Variants in ZNF140 observed in about 807,000 individuals in gnomAD.
ZNF140 encodes the protein zinc finger protein 140 (clone pHZ-39).
Under a neutral mutation model 12.9 loss-of-function variants are expected in ZNF140, and 13 were observed. The observed-to-expected ratio is 1.01, with a 90% CI of 0.66 to 1.60. ZNF140 has a LOEUF of 1.60. Ranked by LOEUF, ZNF140 falls within the 40% of genes most tolerant of loss-of-function variation. ZNF140 has a pLI of 0.00. For synonymous variants in ZNF140, 214 were observed against 186.7 expected (o/e 1.15, Z -1.19); for missense variants, 531 against 548.8 (o/e 0.97, Z 0.32).
intron 4 of ZNF140, among the ~76,000 whole-genome samples, chr12:133,089,340 A>C (rs1184021062): frequency 6.6e-6 from 1 of 151,994 alleles, no homozygotes; most frequent in African/African-American, 2.4e-5. Flanking sequence ...CAGCCTCCCA[A>C]GTAGCTGGGA....
Position 133,106,253 on chromosome 12 carries a change from A to G in ZNF140, c.976A>G (p.Lys326Glu), listed in dbSNP as rs562229137. 6.2e-7 allele frequency: 1 copy of G among 1,614,182 alleles called. No homozygotes were observed. The highest frequency in any genetic ancestry group is 1.7e-5 in the Admixed American group (1 of 60,022). ...TCGACATCAGAGCATCCATACAACC[A>G]AAACCCCGTATGAATGTAATGAATG... ...LTRHQSIHTT[K>E]TPYECNECRK... The change falls in exon 5 of 5, where the codon AAA (lysine) becomes GAA (glutamate). Residue 326 changes from lysine (K) to glutamate (E), a missense_variant. Transcript: ENST00000355557.
intron 4 of ZNF140, among the ~76,000 whole-genome samples, chr12:133,084,532 C>G (rs1398392552): frequency 2.6e-5 from 4 of 152,136 alleles, no homozygotes; most frequent in African/African-American, 9.7e-5. Flanking sequence ...AAGGAATTTC[C>G]AGTTGTCGTT....
In ZNF140 at chr12:133,105,746, G is replaced by A; in HGVS notation, c.469G>A (p.Val157Met). The A allele has an allele frequency of 1.9e-6, 3 of 1,614,190 alleles. No homozygotes were observed. Among genetic ancestry groups the A allele is most frequent in the Non-Finnish European group, 2.5e-6 (3 of 1,180,036 alleles). ...GGCTCAACATATGAATATCAGTACT[G>A]TGGAGAGGCCCTATGGATGCCATGA... ...ALAQHMNISTVERPYGCHECG... is the reference protein window; with the variant it reads ...ALAQHMNISTMERPYGCHECG... The change falls in exon 5 of 5, where the codon GTG (valine) becomes ATG (methionine). Residue 157 changes from valine (V) to methionine (M), a missense_variant. Physicochemically the swap from Val to Met is conservative, Grantham distance 21. Transcript: ENST00000355557.
In ZNF140 at chr12:133,106,948, G is replaced by A. The variant is rs1028983380; in HGVS notation, c.*297G>A. ...ATTTGGTAGGAGTCCCTTACTTTAC[G>A]TGTGTAAATTCCTACCAGGAAAGAA... On this transcript the variant is annotated 3_prime_UTR_variant, in exon 5 of 5. Coordinates refer to ENST00000355557, the MANE Select transcript of ZNF140 (RefSeq NM_003440.4). 3.2e-5 allele frequency: 7 copies of A among 220,872 alleles called. No homozygotes were observed. Among genetic ancestry groups the A allele is most frequent in the Admixed American group, 1.6e-4 (3 of 19,282 alleles). 13.7% of individuals were successfully genotyped at this position (220,872 alleles called of 1,614,324 possible). A position where few individuals can be genotyped will look rare whatever the true frequency, so the allele number is the denominator to read the frequency against.
intron 4 of ZNF140, among the ~76,000 whole-genome samples, chr12:133,096,783 CT>C (rs1187359124): frequency 5.3e-5 from 8 of 152,192 alleles, no homozygotes; most frequent in African/African-American, 1.9e-4. Flanking sequence ...TGTGTTATGA[CT>C]AAGAATTGCG....
chr12:133,083,005 A>T, intron 2 of ZNF140, 98 bp from the exon 3 acceptor site: 2 of 1,580,706 alleles, frequency 1.3e-6, no homozygotes, highest in Non-Finnish European at 1.7e-6. Flanking sequence ...CTACTTAGAC[A>T]CATTGCCTAA....
intron 4 of ZNF140, among the ~76,000 whole-genome samples, chr12:133,095,489 C>T (rs921893314): frequency 7.9e-5 from 12 of 151,020 alleles, no homozygotes; most frequent in African/African-American, 2.0e-4. Flanking sequence ...GTGGCCTGCC[C>T]CTCCACACCT....
At chr12:133,082,995 C>T in intron 2 of ZNF140, 108 bp from the exon 3 acceptor site, 2 of 1,519,694 alleles carry the variant, frequency 1.3e-6, no homozygotes, top group African/African-American at 2.7e-5. Flanking sequence ...CTCACTGTTA[C>T]TACTTAGACA....
chr12:133,103,137 C>A (rs1361026475), intron 4 of ZNF140, among the ~76,000 whole-genome samples: 1 of 152,102 alleles, frequency 6.6e-6, no homozygotes, highest in East Asian at 1.9e-4. Flanking sequence ...TCCATTATCT[C>A]AAATGTGTAT....
At chr12:133,095,402 G>C (rs1041320712) in intron 4 of ZNF140, among the ~76,000 whole-genome samples, 1 of 150,712 alleles carries the variant, frequency 6.6e-6, no homozygotes, top group Non-Finnish European at 1.5e-5. Flanking sequence ...ATCTCTCGTC[G>C]GCTGTCCTCA....
chr12:133,082,322 C>T (rs2137477008), intron 2 of ZNF140: 1 of 152,194 alleles, frequency 6.6e-6, no homozygotes, highest in East Asian at 1.9e-4. Context: ...AGTCTTTAAT[C>T]ACTTTTTTAT....
At chr12:133,105,307 T>C (rs940273693) in intron 4 of ZNF140, among the ~76,000 whole-genome samples, 15 of 152,226 alleles carry the variant, frequency 9.9e-5, no homozygotes, top group Non-Finnish European at 1.5e-5. Context: ...GTTTACACTT[T>C]CTCTTTATTT....
At position 133,080,959 on chromosome 12, in the gene ZNF140, C is replaced by T. The variant is rs1954450194; in HGVS notation, c.-162C>T. The T allele has an allele frequency of 2.5e-5, 4 of 157,454 alleles. No individual in the cohort carries two copies. Among genetic ancestry groups the T allele is most frequent in the South Asian group, 1.7e-4 (1 of 5,922 alleles). The allele number at this position is 157,454 out of a possible 1,614,324, so 9.8% of individuals were successfully genotyped here. On this transcript the variant is annotated 5_prime_UTR_variant, in exon 1 of 5. Coordinates refer to ENST00000355557, the MANE Select transcript of ZNF140 (RefSeq NM_003440.4). ...GTTGGCTGTAGGCAACGAAAGGAGC[C>T]CTCCCGGTCTGCGCCGGATGGCCCC...
chr12:133,097,128 C>G (rs1955157805), intron 4 of ZNF140, among the ~76,000 whole-genome samples: 1 of 152,180 alleles, frequency 6.6e-6, no homozygotes, highest in Non-Finnish European at 1.5e-5. Flanking sequence ...TAACCTTGCT[C>G]TGAAGTCTGC....
intron 4 of ZNF140, among the ~76,000 whole-genome samples, chr12:133,093,849 C>T (rs1444599433): frequency 6.6e-6 from 1 of 150,980 alleles, no homozygotes; most frequent in Non-Finnish European, 1.5e-5. Context: ...TTCTGTGTCT[C>T]TCTCTAATCT....
At position 133,106,150 on chromosome 12, in the gene ZNF140, C is replaced by T; in HGVS notation, c.873C>T (p.His291=). 6 of 1,614,100 alleles carry T rather than the reference C, an allele frequency of 3.7e-6. No homozygotes were observed. The highest frequency in any genetic ancestry group is 5.1e-6 in the Non-Finnish European group (6 of 1,180,020). The change falls in exon 5 of 5, where the codon CAC becomes CAT. Residue 291 remains histidine, a synonymous_variant. Coordinates refer to ENST00000355557, the MANE Select transcript of ZNF140 (RefSeq NM_003440.4). ...AFSSGSELIR[H]QITHTGEKPY... ...GCAGTGGCTCAGAACTCATTCGCCA[C>T]CAGATTACACATACTGGAGAGAAAC...
Position 133,106,012 on chromosome 12 carries a change from T to C in ZNF140, c.735T>C (p.Tyr245=). The change falls in exon 5 of 5, where the codon TAT becomes TAC. Residue 245 remains tyrosine, a synonymous_variant. Coordinates refer to ENST00000355557, the MANE Select transcript of ZNF140 (RefSeq NM_003440.4). ...GAACGCACACTGGGGAGAAACCTTA[T>C]GAATGTACTGAGTGTGGAAAGGCCT... ...HQRTHTGEKP[Y]ECTECGKAFS... 2 of 1,614,170 alleles carry C rather than the reference T, an allele frequency of 1.2e-6. No homozygotes were observed. The highest frequency in any genetic ancestry group is 8.5e-7 in the Non-Finnish European group (1 of 1,180,046).
At chr12:133,088,256 T>C (rs1245906452) in intron 4 of ZNF140, among the ~76,000 whole-genome samples, 1 of 152,218 alleles carries the variant, frequency 6.6e-6, no homozygotes, top group Non-Finnish European at 1.5e-5. Flanking sequence ...CTAAAAATTC[T>C]CTGTGTTCTG....
At chr12:133,088,395 A>G (rs1228665373) in intron 4 of ZNF140, among the ~76,000 whole-genome samples, 6 of 152,356 alleles carry the variant, frequency 3.9e-5, no homozygotes, top group Admixed American at 2.0e-4. Context: ...ATACTAATAC[A>G]TAGTAATATG....
Sources: gnomAD v4.1 joint callset for allele counts (sites outside exome capture counted in the v4.1 genomes callset) on GRCh38, gnomAD v4.1.1 for gene constraint, MANE v1.5 for transcripts, NCBI Gene and HGNC (gene_info 2026-07-23, HGNC 2026-07-21) for gene names.